WBP2NL: variants seen among roughly 807,000 people sequenced by gnomAD.
WBP2NL encodes the protein postacrosomal sheath WW domain-binding protein.
In WBP2NL, 27 loss-of-function variants were observed where a neutral mutation model predicts 23.3. The ratio of observed to expected loss-of-function variants is 1.16; its 90% CI spans 0.85 to 1.60. WBP2NL has a LOEUF of 1.60. Ranked by LOEUF, WBP2NL falls within the 40% of genes most tolerant of loss-of-function variation. The probability of loss-of-function intolerance (pLI) is 0.00; values close to 1 mark genes in which losing one functional copy is unlikely to be tolerated. For synonymous variants in WBP2NL, 151 were observed against 145.9 expected (o/e 1.03, Z -0.25); for missense variants, 370 against 389.5 (o/e 0.95, Z 0.42).
At chr22:42,024,683 G>A (rs1924314856) in intron 5 of WBP2NL, among the ~76,000 whole-genome samples, 1 of 151,730 alleles carries the variant, frequency 6.6e-6, no homozygotes, top group Admixed American at 6.6e-5. Context: ...ATTTAAATCG[G>A]ATTGCTTGTC....
chr22:42,012,129 T>C (rs1374028252), intron 1 of WBP2NL, among the ~76,000 whole-genome samples: 1 of 152,220 alleles, frequency 6.6e-6, no homozygotes, highest in Non-Finnish European at 1.5e-5. Context: ...GAGACTTCTC[T>C]CTTTTTCTTA....
chr22:41,998,942 G>A, intron 1 of WBP2NL, 62 bp downstream of exon 1: 1 of 1,533,956 alleles, frequency 6.5e-7, no homozygotes, highest in South Asian at 1.2e-5. Context: ...TAGACATGGC[G>A]GCTCGCAAAC....
At position 42,022,261 on chromosome 22, in the gene WBP2NL, T is replaced by G. The variant is rs77149455; in HGVS notation, c.419T>G (p.Phe140Cys). ...VKAASAAARG[F>C]PLRTLNDWFS... is the part of the protein sequence containing the mutation. ...TTTGTCTTTCCAGCTGCCCGAGGAT[T>G]TCCACTTAGAACCTTAAATGACTGG... The change falls in exon 5 of 6, where the codon TTT (phenylalanine) becomes TGT (cysteine). Residue 140 changes from phenylalanine (F) to cysteine (C), a missense_variant. By Grantham distance (205) the Phe-to-Cys change is radical. Coordinates refer to ENST00000328823, the MANE Select transcript of WBP2NL (RefSeq NM_152613.3). 1.4e-4 allele frequency: 233 copies of G among 1,614,216 alleles called. No individual in the cohort carries two copies. In the African/African-American group the frequency reaches 2.8e-3, roughly 19 times the overall value.
chr22:42,048,252 T>C (rs2146821942), intron 8 of WBP2NL, among the ~76,000 whole-genome samples: 2 of 144,444 alleles, frequency 1.4e-5, no homozygotes, highest in South Asian at 4.2e-4. Flanking sequence ...AAACCCTGTG[T>C]CTATTAAAAG....
At chr22:42,005,717 CA>C (rs1922166810) in intron 1 of WBP2NL, among the ~76,000 whole-genome samples, 1 of 152,134 alleles carries the variant, frequency 6.6e-6, no homozygotes, top group Admixed American at 6.5e-5. Flanking sequence ...CAATGGGAGC[CA>C]AAAGTGTAGT....
chr22:42,018,204 T>C (rs2146783517), intron 1 of WBP2NL, among the ~76,000 whole-genome samples: 1 of 148,342 alleles, frequency 6.7e-6, no homozygotes, highest in Non-Finnish European at 1.5e-5. Flanking sequence ...CGGTCCCAGC[T>C]ACTCAGGAGG....
chr22:42,035,695 TG>T (rs1284517671), downstream of WBP2NL, among the ~76,000 whole-genome samples: 1 of 152,254 alleles, frequency 6.6e-6, no homozygotes, highest in Admixed American at 6.5e-5. Context: ...ATATATTTAA[TG>T]TATACAACTG....
At chr22:42,024,320 G>T (rs189812065) in intron 5 of WBP2NL, among the ~76,000 whole-genome samples, 2 of 151,946 alleles carry the variant, frequency 1.3e-5, no homozygotes, top group Non-Finnish European at 2.9e-5. Context: ...AATTTTCTAC[G>T]TAGACATATG....
chr22:42,027,565 A>C lies in WBP2NL; in HGVS notation c.*384A>C, dbSNP rs1229864306. 3.8e-6 allele frequency: 1 copy of C among 261,638 alleles called. No individual in the cohort carries two copies. The highest frequency in any genetic ancestry group is 1.2e-4 in the South Asian group (1 of 8,136). 16.2% of individuals were successfully genotyped at this position (261,638 alleles called of 1,614,324 possible). ...CACTAAGATGCGTGCTAAAAACGTC[A>C]TGTTGAACACTTAGTTGTTTGAGAA... On this transcript the variant is annotated 3_prime_UTR_variant, in exon 6 of 6. Coordinates refer to ENST00000328823, the MANE Select transcript of WBP2NL (RefSeq NM_152613.3).
downstream of WBP2NL, chr22:42,030,644 G>A (rs955973847): frequency 6.6e-6 from 1 of 152,166 alleles, no homozygotes; most frequent in African/African-American, 2.4e-5. Flanking sequence ...AGGATCTGGC[G>A]CTTTTATCCC....
At chr22:42,004,213 A>C (rs28821313) in intron 1 of WBP2NL, among the ~76,000 whole-genome samples, 2 of 152,340 alleles carry the variant, frequency 1.3e-5, no homozygotes, top group Admixed American at 1.3e-4. Context: ...TGGAGGTTGC[A>C]GTGAGCTGAG....
intron 8 of WBP2NL, among the ~76,000 whole-genome samples, chr22:42,039,140 C>T (rs575591876): frequency 6.0e-5 from 9 of 150,556 alleles, no homozygotes; most frequent in Non-Finnish European, 1.2e-4. Context: ...GGCACTGTGT[C>T]GGCTCACTGC....
At chr22:42,041,431 G>A (rs753211758) in intron 8 of WBP2NL, among the ~76,000 whole-genome samples, 2 of 147,200 alleles carry the variant, frequency 1.4e-5, no homozygotes, top group Non-Finnish European at 3.0e-5. Context: ...ACAGTGAGCC[G>A]AGATCATGCC....
intron 2 of WBP2NL, 29 bp downstream of exon 2, chr22:42,019,448 G>C (rs1396463933): frequency 1.3e-6 from 2 of 1,598,432 alleles, no homozygotes; most frequent in African/African-American, 1.3e-5. Flanking sequence ...TTAATCTGCT[G>C]ATTAACTCTA....
intron 5 of WBP2NL, among the ~76,000 whole-genome samples, chr22:42,023,909 G>A (rs1266476686): frequency 6.6e-6 from 1 of 152,126 alleles, no homozygotes; most frequent in African/African-American, 2.4e-5. Context: ...TTCCCAAAGT[G>A]CTGGGATTAC....
chr22:42,039,942 G>A (rs561392963), intron 8 of WBP2NL, among the ~76,000 whole-genome samples: 1 of 134,662 alleles, frequency 7.4e-6, no homozygotes, highest in African/African-American at 2.8e-5. Context: ...ATGAAGTCTT[G>A]TTTTGTTACC....
rs1351945162 is a variant in WBP2NL, at chr22:42,028,388, A to G, written c.*1207A>G. The G allele has an allele frequency of 1.3e-5, 3 of 231,722 alleles. No individual in the cohort carries two copies. The East Asian group carries it at 2.5e-4, about 19-fold the overall frequency. The allele number at this position is 231,722 out of a possible 1,614,324, so 14.4% of individuals were successfully genotyped here. A position where few individuals can be genotyped will look rare whatever the true frequency, so the allele number is the denominator to read the frequency against. Reference sequence around the variant, plus strand: ...TCTCCTTCACTTCAATGAAGTTTGTAGATAATTGCATATGATTCCACACCA... The same window carrying G: ...TCTCCTTCACTTCAATGAAGTTTGTGGATAATTGCATATGATTCCACACCA... On this transcript the variant is annotated 3_prime_UTR_variant, in exon 6 of 6. Coordinates refer to ENST00000328823, the MANE Select transcript of WBP2NL (RefSeq NM_152613.3).
intron 5 of WBP2NL, among the ~76,000 whole-genome samples, chr22:42,024,496 TC>T (rs1362769126): frequency 6.6e-6 from 1 of 150,488 alleles, no homozygotes; most frequent in Non-Finnish European, 1.5e-5. Flanking sequence ...ACACTTATCT[TC>T]CTTTTTTTAA....
chr22:42,029,471 A>G (rs1188149302), downstream of WBP2NL, among the ~76,000 whole-genome samples: 5 of 151,972 alleles, frequency 3.3e-5, no homozygotes, highest in Non-Finnish European at 7.4e-5. Flanking sequence ...TCCCAGGTTC[A>G]GGCAATTCTC....
Sources: gnomAD v4.1 joint callset for allele counts (sites outside exome capture counted in the v4.1 genomes callset) on GRCh38, gnomAD v4.1.1 for gene constraint, MANE v1.5 for transcripts, NCBI Gene and HGNC (gene_info 2026-07-23, HGNC 2026-07-21) for gene names.